Variants in PSMA8 observed in about 807,000 individuals in gnomAD.
PSMA8 encodes the protein proteasome subunit alpha-type 8.
PSMA8 carries 18 observed loss-of-function variants against 32.4 expected under a neutral mutation model. The observed-to-expected ratio is 0.56, with a 90% CI of 0.38 to 0.82. The LOEUF is 0.82. Among genes scored for constraint, PSMA8 ranks in the 40% least tolerant of loss-of-function variants. PSMA8 has a pLI of 0.00. For synonymous variants in PSMA8, 104 were observed against 98.1 expected, an observed-to-expected ratio of 1.06 and a Z score of -0.36; for missense variants, 298 against 300.7, an observed-to-expected ratio of 0.99 and a Z score of 0.07.
chr18:26,159,102 C>T (rs1011774044), intron 4 of PSMA8, among the ~76,000 whole-genome samples: 10 of 151,910 alleles, frequency 6.6e-5, no homozygotes, highest in Non-Finnish European at 1.3e-4. Context: ...CTACAGAATC[C>T]AATATAACTG....
chr18:26,179,426 C>T (rs1914993401), intron 6 of PSMA8, among the ~76,000 whole-genome samples: 1 of 151,954 alleles, frequency 6.6e-6, no homozygotes, highest in Admixed American at 6.6e-5. Context: ...CCACCGCAGT[C>T]GTCCTGTCTA....
intron 3 of PSMA8, among the ~76,000 whole-genome samples, chr18:26,157,274 C>A (rs149722796): frequency 2.6e-5 from 4 of 151,634 alleles, no homozygotes; most frequent in Non-Finnish European, 5.9e-5. Context: ...GTCCTTAGAC[C>A]GGGCGCGGTG....
At chr18:26,169,480 A>T (rs2055204791) in intron 4 of PSMA8, among the ~76,000 whole-genome samples, 1 of 130,844 alleles carries the variant, frequency 7.6e-6, no homozygotes, top group South Asian at 2.2e-4. Flanking sequence ...CTGCTTCTGT[A>T]TTTTTTTAAA....
intron 6 of PSMA8, among the ~76,000 whole-genome samples, chr18:26,187,119 C>T (rs2055361820): frequency 6.6e-6 from 1 of 152,190 alleles, no homozygotes; most frequent in Non-Finnish European, 1.5e-5. Context: ...CCAAGGCGGC[C>T]AGATCACCTG....
Position 26,170,997 on chromosome 18 carries a change from G to C in PSMA8, c.478-7833G>C, listed in dbSNP as rs1225142228. On this transcript the variant is annotated intron_variant, in intron 4 of 6. Coordinates refer to ENST00000415576, the MANE Select transcript of PSMA8 (RefSeq NM_001025096.2). ...TTCTGGTTGTTCAGTAAGTTTTAAG[G>C]CATCATCTAGACTTCTGGAAAGAAA... 45 of 1,555,218 alleles carry C rather than the reference G, an allele frequency of 2.9e-5. 15 individuals are homozygous for C. In the African/African-American group the frequency reaches 1.0e-3, roughly 34 times the overall value.
intron 3 of PSMA8, 23 bp downstream of exon 3, chr18:26,152,005 T>G (rs780360211): frequency 6.4e-7 from 1 of 1,571,544 alleles, no homozygotes; most frequent in Non-Finnish European, 8.6e-7. Context: ...TCTAACATAC[T>G]TTGTTAAGCT....
rs1160305228 is a variant in PSMA8, at chr18:26,167,878, CTCTT to C, written c.477+9636_477+9639del. 1.5e-4 allele frequency among the ~76,000 whole-genome samples: 13 copies of C among 87,834 alleles called. 1 individual carries two copies. Among genetic ancestry groups the C allele is most frequent in the Admixed American group, 2.3e-4 (2 of 8,732 alleles). 57.6% of individuals were successfully genotyped at this position (87,834 alleles called of 152,430 possible). A position where few individuals can be genotyped will look rare whatever the true frequency, so the allele number is the denominator to read the frequency against. On this transcript the variant is annotated intron_variant, in intron 4 of 6. Coordinates refer to ENST00000415576, the MANE Select transcript of PSMA8 (RefSeq NM_001025096.2). ...TTTTTTTTTTTATTAACAAGTGTAA[CTCTT>C]TATTAAGATGGAATTGTTCTTATTA...
At chr18:26,180,986 G>A (rs959045625) in intron 6 of PSMA8, among the ~76,000 whole-genome samples, 3 of 152,130 alleles carry the variant, frequency 2.0e-5, no homozygotes, top group South Asian at 4.1e-4. Context: ...TCAAAGGGCC[G>A]TTGTGATAAG....
intron 1 of PSMA8, among the ~76,000 whole-genome samples, chr18:26,135,664 T>TA (rs2054905526): frequency 6.6e-6 from 1 of 152,150 alleles, no homozygotes; most frequent in African/African-American, 2.4e-5. Context: ...GGTTAGAAAC[T>TA]AATGGCCAAG....
rs1288969440 is a variant in PSMA8 at position 26,192,949 on chromosome 18, T to C, written c.*538T>C. 6.6e-6 allele frequency: 1 copy of C among 152,214 alleles called. No homozygotes were observed. Among genetic ancestry groups the C allele is most frequent in the Non-Finnish European group, 1.5e-5 (1 of 68,036 alleles). The allele number at this position is 152,214 out of a possible 1,614,324, so 9.4% of individuals were successfully genotyped here. On this transcript the variant is annotated 3_prime_UTR_variant, in exon 7 of 7. Transcript: ENST00000415576. The stretch of plus-strand genomic sequence containing the variant: ...TTTTTCATTTTACAATATTTCGTTA[T>C]TTTTATTTTACCTTTTTCATTTTAC...
chr18:26,159,496 C>T (rs1598654183), intron 4 of PSMA8, among the ~76,000 whole-genome samples: 1 of 151,926 alleles, frequency 6.6e-6, no homozygotes, highest in Non-Finnish European at 1.5e-5. Flanking sequence ...TAAATCTGTG[C>T]CCTAAACAAA....
intron 4 of PSMA8, among the ~76,000 whole-genome samples, chr18:26,172,574 A>G (rs905420497): frequency 1.3e-5 from 2 of 152,196 alleles, no homozygotes; most frequent in African/African-American, 2.4e-5. Context: ...GTTAAGCTGC[A>G]TATGGAAGTA....
At chr18:26,157,278 C>T (rs974762334) in intron 3 of PSMA8, among the ~76,000 whole-genome samples, 1 of 151,644 alleles carries the variant, frequency 6.6e-6, no homozygotes, top group Non-Finnish European at 1.5e-5. Flanking sequence ...TTAGACCGGG[C>T]GCGGTGGCTC....
intron 6 of PSMA8, among the ~76,000 whole-genome samples, chr18:26,186,616 C>G (rs1354810374): frequency 6.6e-6 from 1 of 152,118 alleles, no homozygotes; most frequent in African/African-American, 2.4e-5. Context: ...ATATGAAAAA[C>G]ATAAAATCTC....
chr18:26,135,600 C>T (rs773614734), intron 1 of PSMA8, among the ~76,000 whole-genome samples: 1 of 151,976 alleles, frequency 6.6e-6, no homozygotes, highest in Non-Finnish European at 1.5e-5. Context: ...CAAAAGGGTA[C>T]CATTTTGATA....
At chr18:26,156,056 G>T (rs956673649) in intron 3 of PSMA8, among the ~76,000 whole-genome samples, 2 of 152,166 alleles carry the variant, frequency 1.3e-5, no homozygotes, top group African/African-American at 4.8e-5. Context: ...ATGAAAACAT[G>T]TTCAACATCA....
intron 1 of PSMA8, among the ~76,000 whole-genome samples, chr18:26,142,608 T>G (rs1353526356): frequency 6.6e-6 from 1 of 152,206 alleles, no homozygotes; most frequent in African/African-American, 2.4e-5. Context: ...TTATTTGAGC[T>G]GCTAAAACAA....
At chr18:26,192,205 T>C (rs112735364) in intron 6 of PSMA8, 114 bp from the exon 7 acceptor site, 1 of 947,326 alleles carries the variant, frequency 1.1e-6, no homozygotes, top group Non-Finnish European at 1.4e-6. Context: ...AGTTACAAAA[T>C]ATAAAGTTGT....
chr18:26,177,807 T>C (rs576522995), intron 4 of PSMA8, among the ~76,000 whole-genome samples: 1 of 152,298 alleles, frequency 6.6e-6, no homozygotes, highest in South Asian at 2.1e-4. Flanking sequence ...GGTAAATAGC[T>C]TTCTTCATGT....
Sources: allele counts gnomAD v4.1 joint callset (sites outside exome capture counted in the v4.1 genomes callset), GRCh38; gene constraint gnomAD v4.1.1; transcripts MANE v1.5; gene names NCBI Gene and HGNC (gene_info 2026-07-23, HGNC 2026-07-21).